Variants in RBM41 observed in about 807,000 individuals in gnomAD.
RBM41 encodes the protein RNA-binding protein 41.
Under a neutral mutation model 30.8 loss-of-function variants are expected in RBM41, and 14 were observed. The observed-to-expected ratio is 0.45, with a 90% CI of 0.30 to 0.71. The LOEUF (loss-of-function observed/expected upper bound fraction) is 0.71. Among genes scored for constraint, RBM41 ranks in the 30% least tolerant of loss-of-function variants. RBM41 has a pLI of 0.08. For missense variants in RBM41, 276 were observed against 326.3 expected, an observed-to-expected ratio of 0.85 and a Z score of 1.19; for synonymous variants, 120 against 110.1, an observed-to-expected ratio of 1.09 and a Z score of -0.56.
intron 5 of RBM41, among the ~76,000 whole-genome samples, chrX:107,093,089 TA>T (rs919556569): frequency 6.3e-5 from 7 of 111,340 alleles, no homozygotes; most frequent in Admixed American, 9.5e-5. Context: ...ATAAATACAC[TA>T]AAAAATAATT....
chrX:107,055,386 A>G, the RBM41 span, among the ~76,000 whole-genome samples: 1 of 111,623 alleles, frequency 9.0e-6, no homozygotes, highest in African/African-American at 3.3e-5. Flanking sequence ...GTGCAGTGGC[A>G]CGATCTTGGC....
chrX:107,068,386 C>G (rs1412178544), intron 7 of RBM41, among the ~76,000 whole-genome samples: 1 of 111,552 alleles, frequency 9.0e-6, no homozygotes, highest in Non-Finnish European at 1.9e-5. Flanking sequence ...ATTAGTAAAA[C>G]AGCTACACAT....
intron 5 of RBM41, among the ~76,000 whole-genome samples, chrX:107,102,359 G>A (rs886792709): frequency 9.0e-5 from 10 of 111,697 alleles, no homozygotes; most frequent in African/African-American, 2.9e-4. Flanking sequence ...AAGAAAAAAG[G>A]GGACAACACT....
At chrX:107,085,699 C>T (rs1315663994) in intron 6 of RBM41, among the ~76,000 whole-genome samples, 1 of 111,897 alleles carries the variant, frequency 8.9e-6, no homozygotes, top group Non-Finnish European at 1.9e-5. Flanking sequence ...CTATAGGCCA[C>T]TGGTGTTTTT....
chrX:107,081,423 T>C (rs1156702150), intron 6 of RBM41, among the ~76,000 whole-genome samples: 9 of 111,852 alleles, frequency 8.0e-5, no homozygotes, highest in East Asian at 5.6e-4. Context: ...TACTTGATTA[T>C]AGTAACTCTT....
At chrX:107,107,277 T>A (rs186105684) in intron 5 of RBM41, among the ~76,000 whole-genome samples, 104 of 111,165 alleles carry the variant, frequency 9.4e-4, no homozygotes, top group African/African-American at 3.2e-3. Context: ...AGGACTTCCC[T>A]AGCACTGAGT....
Position 107,067,459 on chromosome X carries a change from T to C in RBM41, c.*68A>G, listed in dbSNP as rs915434596. On this transcript the variant is annotated 3_prime_UTR_variant, in exon 8 of 8. Coordinates refer to ENST00000685964, the MANE Select transcript of RBM41 (RefSeq NM_001324242.2). ...TCAACTCCAAACAAACTGGTGTCTA[T>C]ACATAAATCCTAGATCCAAGATTCC... The C allele has an allele frequency of 1.8e-6, 2 of 1,130,314 alleles. No homozygotes were observed. The highest frequency in any genetic ancestry group is 2.3e-6 in the Non-Finnish European group (2 of 855,996). 93.2% of individuals were successfully genotyped at this position (1,130,314 alleles called of 1,213,427 possible).
rs190223594 is a variant in RBM41 at position 107,088,642 on chromosome X, T to C, written c.793A>G (p.Lys265Glu). ...GGGCCTTTACCCTGTGCTGCCTGTT[T>C]TCCCTTGTCCTGGAGTAATGATGGG... ...ESPSLLQDKGKQAAQGKGPSL... is the reference protein window; with the variant it reads ...ESPSLLQDKGEQAAQGKGPSL... The change falls in exon 6 of 8, where the codon AAA becomes GAA. Residue 265 changes from lysine (K) to glutamate (E), a missense_variant. Physicochemically the swap from Lys to Glu is moderately conservative, Grantham distance 56. Transcript: ENST00000685964. 3 of 1,209,631 alleles carry C rather than the reference T, an allele frequency of 2.5e-6. No individual in the cohort carries two copies. Among genetic ancestry groups the C allele is most frequent in the East Asian group, 5.9e-5 (2 of 33,744 alleles).
At chrX:107,082,993 GCT>G (rs1921678777) in intron 6 of RBM41, among the ~76,000 whole-genome samples, 2 of 110,200 alleles carry the variant, frequency 1.8e-5, no homozygotes, top group Admixed American at 1.9e-4. Context: ...ATTCTCCTAC[GCT>G]CTTTCTTTCT....
In RBM41 at chrX:107,063,850, T is replaced by C. The variant is rs1005415795; in HGVS notation, c.*3677A>G. ...CTCTATTTCATTTATTCTCATCTAA[T>C]CTTTTATATTTCCTTCTTTCTCCTG... is the stretch of plus-strand genomic sequence containing the variant. On this transcript the variant is annotated 3_prime_UTR_variant, in exon 8 of 8. Transcript: ENST00000685964. Among the ~76,000 whole-genome samples, 9 of 111,197 alleles carry C rather than the reference T, an allele frequency of 8.1e-5. No individual in the cohort carries two copies. Among genetic ancestry groups the C allele is most frequent in the Non-Finnish European group, 1.3e-4 (7 of 53,043 alleles).
At chrX:107,087,394 T>A (rs952976198) in intron 6 of RBM41, among the ~76,000 whole-genome samples, 23 of 111,657 alleles carry the variant, frequency 2.1e-4, no homozygotes, top group African/African-American at 6.8e-4. Context: ...GATTTTTTTT[T>A]AATTCAGAGA....
chrX:107,109,081 A>AAC (rs758354531), intron 5 of RBM41, among the ~76,000 whole-genome samples: 269 of 111,074 alleles, frequency 2.4e-3, no homozygotes, highest in Non-Finnish European at 4.6e-3. Flanking sequence ...AGCAACCACT[A>AAC]ACACACACAC....
intron 6 of RBM41, among the ~76,000 whole-genome samples, chrX:107,074,479 T>C (rs571139849): frequency 2.8e-4 from 31 of 111,210 alleles, no homozygotes; most frequent in African/African-American, 1.0e-3. Flanking sequence ...CATTTTATTA[T>C]TGGCATGAAA....
downstream of RBM41, among the ~76,000 whole-genome samples, chrX:107,058,154 G>A (rs1435724121): frequency 1.8e-5 from 2 of 109,439 alleles, no homozygotes; most frequent in Non-Finnish European, 3.8e-5. Context: ...TTTGCCAGGC[G>A]TGGTGGCACA....
At chrX:107,095,662 T>C (rs1421184407) in intron 5 of RBM41, among the ~76,000 whole-genome samples, 1 of 108,753 alleles carries the variant, frequency 9.2e-6, no homozygotes, top group Admixed American at 9.8e-5. Context: ...AATTGGAAAA[T>C]GAAATGTGAA....
downstream of RBM41, among the ~76,000 whole-genome samples, chrX:107,057,057 C>T (rs1935595974): frequency 1.8e-5 from 2 of 109,567 alleles, no homozygotes; most frequent in Non-Finnish European, 3.8e-5. Context: ...TTTGTAGAGA[C>T]GAGGTCTCAC....
intron 5 of RBM41, among the ~76,000 whole-genome samples, chrX:107,091,359 T>C (rs1420167402): frequency 8.9e-6 from 1 of 112,066 alleles, no homozygotes; most frequent in African/African-American, 3.2e-5. Flanking sequence ...CCTTAGAATA[T>C]GGGTCCCATT....
At chrX:107,111,191 C>A (rs1205054929) in intron 5 of RBM41, among the ~76,000 whole-genome samples, 1 of 111,011 alleles carries the variant, frequency 9.0e-6, no homozygotes, top group Non-Finnish European at 1.9e-5. Context: ...TTCTACAACT[C>A]AACAACAAAC....
intron 6 of RBM41, among the ~76,000 whole-genome samples, chrX:107,085,260 CTT>C (rs1190566353): frequency 9.2e-5 from 7 of 76,396 alleles, no homozygotes; most frequent in Non-Finnish European, 6.9e-5. Context: ...TTTTCTTTTT[CTT>C]TTTTTTTTTT....
Sources: gnomAD v4.1 joint callset for allele counts (sites outside exome capture counted in the v4.1 genomes callset) on GRCh38, gnomAD v4.1.1 for gene constraint, MANE v1.5 for transcripts, NCBI Gene and HGNC (gene_info 2026-07-23, HGNC 2026-07-21) for gene names.